RNF17: variants seen among roughly 807,000 people sequenced by gnomAD.
RNF17 encodes the protein spermatogenesis associated 23.
A neutral mutation model predicts 200.5 loss-of-function variants in RNF17; 31 were observed. The ratio of observed to expected loss-of-function variants is 0.15; its 90% CI spans 0.12 to 0.21. RNF17 has a LOEUF of 0.21. RNF17 is among the 10% of genes least tolerant of loss of function. The pLI, the probability that RNF17 is intolerant of heterozygous loss-of-function variation, is 1.00. For missense variants in RNF17, 1,628 were observed against 1,905.1 expected (o/e 0.85, Z 2.71); for synonymous variants, 606 against 637.8 (o/e 0.95, Z 0.75).
At chr13:24,788,959 A>G (rs1426410601) in intron 7 of RNF17, among the ~76,000 whole-genome samples, 2 of 152,204 alleles carry the variant, frequency 1.3e-5, no homozygotes, top group Non-Finnish European at 2.9e-5. Context: ...TTCTAAAACA[A>G]TAATAGTTGT....
Position 24,767,340 on chromosome 13 carries a change from A to G in RNF17, c.199A>G (p.Thr67Ala). The stretch of plus-strand genomic sequence containing the variant: ...ATGCTTGTTAATGACTGAAGAATGC[A>G]CCACAATTATATGCCCTGATTGTGA... ...ELCLLMTEEC[T>A]TIICPDCEVA... is the part of the protein sequence containing the mutation. The change falls in exon 2 of 36, where the codon ACC becomes GCC. Residue 67 changes from threonine (T) to alanine (A), a missense_variant. Thr to Ala is a moderately conservative substitution (Grantham distance 58). Around this residue, in one of 5 missense-constraint regions of RNF17, gnomAD observed 502 missense variants for 501.7 expected, o/e 1.00. Coordinates refer to ENST00000255324, the MANE Select transcript of RNF17 (RefSeq NM_031277.3). The G allele has an allele frequency of 6.2e-7, 1 of 1,610,706 alleles. No homozygotes were observed. The highest frequency in any genetic ancestry group is 8.5e-7 in the Non-Finnish European group (1 of 1,176,904).
At position 24,793,073 on chromosome 13, in the gene RNF17, A is replaced by T; in HGVS notation, c.967A>T (p.Asn323Tyr). 6.3e-7 allele frequency: 1 copy of T among 1,587,888 alleles called. No homozygotes were observed. The highest frequency in any genetic ancestry group is 8.6e-7 in the Non-Finnish European group (1 of 1,167,614). ...CYPQENEIRQ[N>Y]VQKKYNNKKE... ...TCCCCAAGAAAATGAAATTAGACAGAATGTTCAAAAGAAATATAATAACAA... is the reference window on the plus strand; with the variant it reads ...TCCCCAAGAAAATGAAATTAGACAGTATGTTCAAAAGAAATATAATAACAA... The change falls in exon 10 of 36, where the codon AAT becomes TAT. Residue 323 changes from asparagine to tyrosine, a missense_variant. Physicochemically the swap from Asn to Tyr is moderately radical, Grantham distance 143. Transcript: ENST00000255324.
the RNF17 span, among the ~76,000 whole-genome samples, chr13:24,888,309 G>C: frequency 6.6e-6 from 1 of 151,804 alleles, no homozygotes; most frequent in Non-Finnish European, 1.5e-5. Flanking sequence ...GAAAATATTA[G>C]CAGTGCTTGT....
At position 24,837,407 on chromosome 13, in the gene RNF17, G is replaced by A. The variant is rs75361341; in HGVS notation, c.2483-4634G>A. On this transcript the variant is annotated intron_variant, in intron 18 of 35. Transcript: ENST00000255324. ...ATACAGAACATTTCATCCAACAACC[G>A]TAGAATACCCATTCTATTCAACAGC... is the stretch of plus-strand genomic sequence containing the variant. Among the ~76,000 whole-genome samples the A allele has an allele frequency of 3.9e-3, 593 of 152,120 alleles. 5 individuals carry two copies. Among genetic ancestry groups the A allele is most frequent in the Middle Eastern group, 0.027 (8 of 294 alleles).
chr13:24,792,162 G>A (rs186274046), intron 9 of RNF17, among the ~76,000 whole-genome samples: 328 of 152,206 alleles, frequency 2.2e-3, no homozygotes, highest in South Asian at 7.9e-3. Context: ...GTTACTATCC[G>A]CATTTCTAAG....
At chr13:24,825,482 A>G (rs1431144107) in intron 15 of RNF17, 137 bp from the exon 16 acceptor site, 2 of 657,608 alleles carry the variant, frequency 3.0e-6, no homozygotes, top group African/African-American at 3.6e-5. Flanking sequence ...AAAATAAATT[A>G]CGTAACACAA....
At chr13:24,802,309 C>A in intron 13 of RNF17, 72 bp from the exon 14 acceptor site, 2 of 1,388,254 alleles carry the variant, frequency 1.4e-6, no homozygotes, top group Non-Finnish European at 2.0e-6. Context: ...TTGGTACAAA[C>A]CTAAATCCAG....
rs929756592 is a variant in RNF17 at position 24,794,364 on chromosome 13, T to G, written c.1240+1018T>G. 22 of 338,912 alleles carry G rather than the reference T, an allele frequency of 6.5e-5. No homozygotes were observed. In the Admixed American group the frequency reaches 7.0e-4, roughly 11 times the overall value. The allele number at this position is 338,912 out of a possible 1,614,324, so 21.0% of individuals were successfully genotyped here. ...TTCACTGATAACTAAAACATATTAC[T>G]TTCTAATGTTAAAAGTTTTAATTCC... On this transcript the variant is annotated intron_variant, in intron 10 of 35. Transcript: ENST00000255324.
the RNF17 span, among the ~76,000 whole-genome samples, chr13:24,886,789 G>A: frequency 6.6e-6 from 1 of 152,152 alleles, no homozygotes; most frequent in African/African-American, 2.4e-5. Flanking sequence ...AGAAAACCAA[G>A]GCTAAGTGGT....
chr13:24,754,879 G>C, the RNF17 span, among the ~76,000 whole-genome samples: 1 of 148,658 alleles, frequency 6.7e-6, no homozygotes, highest in Non-Finnish European at 1.5e-5. Context: ...CTGGGTGACA[G>C]AGTAAGACCC....
chr13:24,801,156 T>C (rs538114137), intron 13 of RNF17, among the ~76,000 whole-genome samples: 10 of 152,316 alleles, frequency 6.6e-5, no homozygotes, highest in African/African-American at 2.4e-4. Context: ...ACTGGTGTTT[T>C]CTTTAAAATG....
At chr13:24,865,540 T>C (rs910559447) in intron 29 of RNF17, among the ~76,000 whole-genome samples, 5 of 152,176 alleles carry the variant, frequency 3.3e-5, no homozygotes, top group Admixed American at 2.0e-4. Flanking sequence ...CTATAAATCT[T>C]TTATAGGAGT....
chr13:24,844,941 T>TA lies in RNF17; in HGVS notation c.2983-17dup. On this transcript the variant is annotated intron_variant, in intron 21 of 35. Transcript: ENST00000255324. ...TCGAAATGTTGTTTGTCTGTAGACT[T>TA]AAAGTTATTATTTTCTTAGGTCTTG... 2 of 1,565,102 alleles carry TA rather than the reference T, an allele frequency of 1.3e-6. No homozygotes were observed. Among genetic ancestry groups the TA allele is most frequent in the Non-Finnish European group, 1.8e-6 (2 of 1,138,118 alleles).
upstream of RNF17, among the ~76,000 whole-genome samples, chr13:24,763,369 A>ATTTT (rs34750040): frequency 5.9e-4 from 68 of 114,688 alleles, 1 homozygote; most frequent in Middle Eastern, 4.8e-3. Flanking sequence ...CGTCCGGCTA[A>ATTTT]TTTTTTTTTT....
At chr13:24,861,517 AG>A in intron 27 of RNF17, 130 bp downstream of exon 27, 1 of 582,098 alleles carries the variant, frequency 1.7e-6, no homozygotes, top group Non-Finnish European at 2.7e-6. Context: ...CCAACAAATA[AG>A]TTACTAAGAC....
In RNF17 at chr13:24,845,797, G is replaced by A. The variant is rs193080357; in HGVS notation, c.3101+718G>A. On this transcript the variant is annotated intron_variant, in intron 22 of 35. Coordinates refer to ENST00000255324, the MANE Select transcript of RNF17 (RefSeq NM_031277.3). ...TGCCAAACTCCCACAATACTGGAGCGTTTTTAGCCGTATAACCTCTTGAAA... is the reference window on the plus strand; with the variant it reads ...TGCCAAACTCCCACAATACTGGAGCATTTTTAGCCGTATAACCTCTTGAAA... 3.3e-5 allele frequency among the ~76,000 whole-genome samples: 5 copies of A among 152,270 alleles called. No homozygotes were observed. In the East Asian group the frequency reaches 7.7e-4, roughly 23 times the overall value.
chr13:24,793,255 A>G lies in RNF17; in HGVS notation c.1149A>G (p.Ala383=), dbSNP rs1437887477. Residue 383 remains alanine, a synonymous_variant, in exon 10 of 36, where the codon GCA becomes GCG. Coordinates refer to ENST00000255324, the MANE Select transcript of RNF17 (RefSeq NM_031277.3). ...ACTTCCAGCCACAGAAAGACGTTGC[A>G]ACAGCATCCCCTAAAACCATTGCTG... is the stretch of plus-strand genomic sequence containing the variant. ...AKNFQPQKDV[A]TASPKTIAVL... 3 of 1,614,106 alleles carry G rather than the reference A, an allele frequency of 1.9e-6. No homozygotes were observed. Among genetic ancestry groups the G allele is most frequent in the Middle Eastern group, 1.6e-4 (1 of 6,062 alleles).
chr13:24,811,001 C>T (rs1050528255), intron 15 of RNF17, among the ~76,000 whole-genome samples: 4 of 152,016 alleles, frequency 2.6e-5, no homozygotes, highest in Non-Finnish European at 5.9e-5. Flanking sequence ...GAGTTTCTGC[C>T]GAGAGATCCA....
At chr13:24,792,910 G>A (rs1566139871) in intron 9 of RNF17, 132 bp from the exon 10 acceptor site, 1 of 604,574 alleles carries the variant, frequency 1.7e-6, no homozygotes, top group Non-Finnish European at 2.8e-6. Flanking sequence ...ACTGGCAGTG[G>A]GTCAGTGGCT....
Sources: gnomAD v4.1 joint callset for allele counts (sites outside exome capture counted in the v4.1 genomes callset) on GRCh38, gnomAD v4.1.1 for gene constraint, gnomAD v4.1.1 regional missense constraint, MANE v1.5 for transcripts, NCBI Gene and HGNC (gene_info 2026-07-23, HGNC 2026-07-21) for gene names.